Variants in SMYD3 observed in about 807,000 individuals in gnomAD.
SMYD3 encodes SET and MYND domain containing 3.
Under a neutral mutation model 57.7 loss-of-function variants are expected in SMYD3, and 36 were observed. That is an observed-to-expected ratio of 0.62 (90% CI 0.48 to 0.82). The LOEUF (loss-of-function observed/expected upper bound fraction) is 0.82. Ranked by LOEUF, SMYD3 falls within the 40% of genes least tolerant of loss-of-function variation. The pLI is 0.00. For synonymous variants in SMYD3, 211 were observed against 195.0 expected (o/e 1.08, Z -0.68); for missense variants, 515 against 538.8 (o/e 0.96, Z 0.44).
chr1:245,803,585 A>G (rs2047982321), intron 10 of SMYD3, among the ~76,000 whole-genome samples: 1 of 152,232 alleles, frequency 6.6e-6, no homozygotes, highest in Admixed American at 6.5e-5. Context: ...ACTCAAATGC[A>G]AACCCCAGCC....
intron 1 of SMYD3, among the ~76,000 whole-genome samples, chr1:246,454,797 A>G (rs2067678273): frequency 6.6e-6 from 1 of 152,238 alleles, no homozygotes; most frequent in Non-Finnish European, 1.5e-5. Flanking sequence ...ATAAAGCAAC[A>G]GGACTGGATG....
At chr1:245,836,281 G>A (rs2050103324) in intron 10 of SMYD3, among the ~76,000 whole-genome samples, 1 of 152,204 alleles carries the variant, frequency 6.6e-6, no homozygotes, top group African/African-American at 2.4e-5. Context: ...GTTGAGCTGA[G>A]GAGAAACTGA....
chr1:246,378,826 T>C (rs1418437711), intron 1 of SMYD3, among the ~76,000 whole-genome samples: 1 of 116,234 alleles, frequency 8.6e-6, no homozygotes, highest in African/African-American at 3.4e-5. Context: ...TATATTTATA[T>C]AGTATATATA....
At chr1:245,960,203 G>A (rs977456285) in intron 5 of SMYD3, among the ~76,000 whole-genome samples, 3 of 152,172 alleles carry the variant, frequency 2.0e-5, no homozygotes, top group South Asian at 4.1e-4. Context: ...GAGTTAACAC[G>A]TGCATACTTG....
chr1:246,407,747 C>A (rs143080911), intron 1 of SMYD3, among the ~76,000 whole-genome samples: 3,511 of 151,984 alleles, frequency 0.023, 143 homozygotes, highest in African/African-American at 0.08. Context: ...GAGGCTGAGG[C>A]AGGAAAATCA....
intron 5 of SMYD3, among the ~76,000 whole-genome samples, chr1:245,978,571 CG>C (rs2058512636): frequency 6.6e-6 from 1 of 151,962 alleles, no homozygotes; most frequent in Non-Finnish European, 1.5e-5. Context: ...TGCGGGAGGG[CG>C]GGGGGCAGAG....
intron 1 of SMYD3, among the ~76,000 whole-genome samples, chr1:246,462,809 A>G (rs749761444): frequency 3.3e-5 from 5 of 152,232 alleles, no homozygotes; most frequent in Non-Finnish European, 5.9e-5. Context: ...TTTTAGGTCG[A>G]AATGAGATAC....
chr1:246,410,938 A>G (rs1371868263), intron 1 of SMYD3, among the ~76,000 whole-genome samples: 1 of 151,920 alleles, frequency 6.6e-6, no homozygotes, highest in Non-Finnish European at 1.5e-5. Flanking sequence ...TTTCTTCTAG[A>G]TTTTCTAGTT....
At chr1:245,896,485 T>C (rs1278135793) in intron 8 of SMYD3, among the ~76,000 whole-genome samples, 1 of 149,870 alleles carries the variant, frequency 6.7e-6, no homozygotes, top group Admixed American at 6.6e-5. Flanking sequence ...GGGCCTGAGG[T>C]CTGGAAGTAG....
chr1:246,419,386 A>T (rs2067108536), intron 1 of SMYD3, among the ~76,000 whole-genome samples: 1 of 152,122 alleles, frequency 6.6e-6, no homozygotes, highest in Admixed American at 6.5e-5. Flanking sequence ...ATGTCCGGCC[A>T]CTTGTCTTCT....
chr1:246,401,888 A>T (rs2066775504), intron 1 of SMYD3, among the ~76,000 whole-genome samples: 1 of 151,528 alleles, frequency 6.6e-6, no homozygotes, highest in South Asian at 2.1e-4. Context: ...ACGCCCGGCT[A>T]ATTTTGTATT....
chr1:246,415,077 C>G (rs2067039078), intron 1 of SMYD3, among the ~76,000 whole-genome samples: 1 of 152,156 alleles, frequency 6.6e-6, no homozygotes, highest in Non-Finnish European at 1.5e-5. Context: ...GCACCCATCA[C>G]AAAATACTGC....
chr1:245,806,747 A>G (rs1463333356), intron 10 of SMYD3, among the ~76,000 whole-genome samples: 1 of 150,770 alleles, frequency 6.6e-6, no homozygotes, highest in Non-Finnish European at 1.5e-5. Flanking sequence ...CGTCTCTACT[A>G]AAAATACAAA....
intron 10 of SMYD3, among the ~76,000 whole-genome samples, chr1:245,782,170 A>G (rs1035447788): frequency 1.3e-5 from 2 of 152,160 alleles, no homozygotes; most frequent in African/African-American, 4.8e-5. Context: ...TGCATTTCCT[A>G]TGCTTAATTA....
chr1:246,075,073 T>C (rs2060524553), intron 5 of SMYD3, among the ~76,000 whole-genome samples: 3 of 151,722 alleles, frequency 2.0e-5, no homozygotes, highest in Admixed American at 6.6e-5. Flanking sequence ...GAAAAAAAAA[T>C]TCAATCAATG....
intron 5 of SMYD3, among the ~76,000 whole-genome samples, chr1:246,073,260 T>C (rs1164262360): frequency 6.6e-6 from 1 of 152,254 alleles, no homozygotes; most frequent in Non-Finnish European, 1.5e-5. Context: ...CCTATTTTAC[T>C]GTGTAAAGTG....
intron 11 of SMYD3, among the ~76,000 whole-genome samples, chr1:245,751,815 C>A (rs1051068557): frequency 6.6e-6 from 1 of 152,182 alleles, no homozygotes; most frequent in Non-Finnish European, 1.5e-5. Context: ...TTCATGCGAG[C>A]AAGTCTGCTC....
intron 5 of SMYD3, among the ~76,000 whole-genome samples, chr1:246,319,165 C>A (rs972843157): frequency 2.6e-5 from 4 of 152,132 alleles, no homozygotes; most frequent in East Asian, 1.9e-4. Context: ...TGCATGACAC[C>A]GTTTCATAAT....
At chr1:246,369,919 G>C (rs1334567068) in intron 1 of SMYD3, among the ~76,000 whole-genome samples, 1 of 151,928 alleles carries the variant, frequency 6.6e-6, no homozygotes, top group Admixed American at 6.6e-5. Context: ...AAATGTAATG[G>C]TTAGTATTTC....
Sources: gnomAD v4.1 joint callset for allele counts (sites outside exome capture counted in the v4.1 genomes callset) on GRCh38, gnomAD v4.1.1 for gene constraint, MANE v1.5 for transcripts, NCBI Gene and HGNC (gene_info 2026-07-23, HGNC 2026-07-21) for gene names.